Variants in SLCO1B3 observed in about 807,000 individuals in gnomAD.
SLCO1B3 encodes solute carrier organic anion transporter family member 1B3.
In SLCO1B3, 72 loss-of-function variants were observed where a neutral mutation model predicts 71.8. The ratio of observed to expected loss-of-function variants is 1.00; its 90% CI spans 0.83 to 1.22. SLCO1B3 has a LOEUF of 1.22. Among genes scored for constraint, SLCO1B3 ranks in the 50% most tolerant of loss-of-function variants. The pLI, the probability that SLCO1B3 is intolerant of heterozygous loss-of-function variation, is 0.00. For missense variants in SLCO1B3, 911 were observed against 819.7 expected (o/e 1.11, Z -1.36); for synonymous variants, 298 against 278.4 (o/e 1.07, Z -0.70).
rs1865104843 is a variant in SLCO1B3 at position 20,855,038 on chromosome 12, C to T, written c.95C>T (p.Ala32Val). The T allele has an allele frequency of 6.2e-7, 1 of 1,610,352 alleles. No individual in the cohort carries two copies. Among genetic ancestry groups the T allele is most frequent in the Non-Finnish European group, 8.5e-7 (1 of 1,179,402 alleles). ...TTCTATTGTTTTTAGATGTTCTTGG[C>T]AGCCCTGTCATTCAGCTATATTGCT... ...RRCNGFKMFLAALSFSYIAKA... is the reference protein window; with the variant it reads ...RRCNGFKMFLVALSFSYIAKA... Residue 32 changes from alanine to valine, a missense_variant, in exon 4 of 16, where the codon GCA (alanine) becomes GTA (valine). By Grantham distance (64) the Ala-to-Val change is moderately conservative (BLOSUM62 0). Coordinates refer to ENST00000381545, the MANE Select transcript of SLCO1B3 (RefSeq NM_019844.4).
At chr12:20,831,378 A>G (rs1231695966) in intron 3 of SLCO1B3, among the ~76,000 whole-genome samples, 2 of 139,904 alleles carry the variant, frequency 1.4e-5, no homozygotes, top group Admixed American at 7.3e-5. Context: ...AAAAAAAAAA[A>G]GCCAGGGGAA....
chr12:20,836,608 T>G (rs2121154286), intron 3 of SLCO1B3, among the ~76,000 whole-genome samples: 1 of 152,268 alleles, frequency 6.6e-6, no homozygotes, highest in South Asian at 2.1e-4. Context: ...AATTCACCAG[T>G]GAAACTATCT....
intron 3 of SLCO1B3, among the ~76,000 whole-genome samples, chr12:20,826,279 A>G (rs1348648413): frequency 6.6e-6 from 1 of 152,138 alleles, no homozygotes; most frequent in African/African-American, 2.4e-5. Flanking sequence ...AGGGAAAAAA[A>G]TTACAGAAGC....
At chr12:20,812,797 A>T (rs1864130687) in intron 1 of SLCO1B3, among the ~76,000 whole-genome samples, 1 of 152,236 alleles carries the variant, frequency 6.6e-6, no homozygotes, top group South Asian at 2.1e-4. Context: ...TCAAGCCTTC[A>T]AGAATATTTG....
chr12:20,896,301 A>C (rs1220680255), intron 13 of SLCO1B3, among the ~76,000 whole-genome samples: 2 of 152,182 alleles, frequency 1.3e-5, no homozygotes, highest in Admixed American at 1.3e-4. Context: ...GTCAGACTGC[A>C]AATGTTCCAA....
chr12:20,853,472 C>T (rs1431599910), intron 3 of SLCO1B3, among the ~76,000 whole-genome samples: 1 of 151,892 alleles, frequency 6.6e-6, no homozygotes, highest in East Asian at 1.9e-4. Flanking sequence ...TTGTATGTTT[C>T]TAGGAATGTA....
intron 3 of SLCO1B3, among the ~76,000 whole-genome samples, chr12:20,850,393 C>T (rs905641545): frequency 6.6e-6 from 1 of 151,870 alleles, no homozygotes. Flanking sequence ...CATTCTCCTG[C>T]CTCAGCCTCC....
At chr12:20,890,974 C>T (rs1267614366) in intron 13 of SLCO1B3, among the ~76,000 whole-genome samples, 2 of 151,886 alleles carry the variant, frequency 1.3e-5, no homozygotes, top group Non-Finnish European at 2.9e-5. Flanking sequence ...TTCATTCTGC[C>T]AGACTATATT....
intron 8 of SLCO1B3, among the ~76,000 whole-genome samples, chr12:20,864,227 C>T (rs1257491316): frequency 4.6e-5 from 7 of 152,120 alleles, no homozygotes; most frequent in South Asian, 2.1e-4. Flanking sequence ...GTCTCAAATT[C>T]GGTGCTCCTA....
At chr12:20,845,865 C>T in intron 3 of SLCO1B3, among the ~76,000 whole-genome samples, 1 of 151,940 alleles carries the variant, frequency 6.6e-6, no homozygotes, top group East Asian at 1.9e-4. Context: ...TTTCTTAGGT[C>T]TAGTAGTAAT....
At chr12:20,879,205 C>CT (rs4149166) in intron 10 of SLCO1B3, among the ~76,000 whole-genome samples, 22,615 of 93,960 alleles carry the variant, frequency 0.24, 3,733 homozygotes, top group Middle Eastern at 0.32. Flanking sequence ...ACCCTTCTCT[C>CT]TTTTTTTTTT....
At chr12:20,844,233 A>G (rs189908280) in intron 3 of SLCO1B3, among the ~76,000 whole-genome samples, 349 of 152,132 alleles carry the variant, frequency 2.3e-3, no homozygotes, top group African/African-American at 8.1e-3. Context: ...TTATATAAAG[A>G]TACCTTACAT....
At chr12:20,893,868 A>G (rs1335887516) in intron 13 of SLCO1B3, among the ~76,000 whole-genome samples, 1 of 152,186 alleles carries the variant, frequency 6.6e-6, no homozygotes, top group Admixed American at 6.5e-5. Flanking sequence ...TTTATGACAA[A>G]CAAAACATCA....
chr12:20,827,787 C>G (rs187410838), intron 3 of SLCO1B3, among the ~76,000 whole-genome samples: 41 of 152,220 alleles, frequency 2.7e-4, no homozygotes, highest in African/African-American at 8.9e-4. Flanking sequence ...CCAGGCTGCT[C>G]TCGAACTCCT....
chr12:20,910,041 T>G (rs1287709531), intron 15 of SLCO1B3, among the ~76,000 whole-genome samples: 1 of 152,206 alleles, frequency 6.6e-6, no homozygotes, highest in Non-Finnish European at 1.5e-5. Context: ...ATCTGAAAAG[T>G]CATAACCGAA....
chr12:20,886,764 C>T (rs551078221), intron 13 of SLCO1B3, among the ~76,000 whole-genome samples: 2 of 151,898 alleles, frequency 1.3e-5, no homozygotes, highest in Non-Finnish European at 2.9e-5. Flanking sequence ...AGTTGTGAAA[C>T]ATGGATTATA....
chr12:20,813,717 T>C (rs1162636552), intron 2 of SLCO1B3, 79 bp downstream of exon 2: 1 of 152,140 alleles, frequency 6.6e-6, no homozygotes, highest in Non-Finnish European at 1.5e-5. Flanking sequence ...TATACTAAGG[T>C]GTCTTTAAAC....
intron 4 of SLCO1B3, among the ~76,000 whole-genome samples, chr12:20,856,744 G>A (rs992188330): frequency 1.3e-5 from 2 of 152,046 alleles, no homozygotes; most frequent in Admixed American, 1.3e-4. Flanking sequence ...ATTTTTAAGT[G>A]GAGACAGGTT....
chr12:20,889,043 C>G (rs1409317642), intron 13 of SLCO1B3, among the ~76,000 whole-genome samples: 1 of 148,952 alleles, frequency 6.7e-6, no homozygotes, highest in South Asian at 2.1e-4. Flanking sequence ...AAAAAGTCCA[C>G]TTTTCATTGC....
Sources: gnomAD v4.1 joint callset for allele counts (sites outside exome capture counted in the v4.1 genomes callset) on GRCh38, gnomAD v4.1.1 for gene constraint, MANE v1.5 for transcripts, NCBI Gene and HGNC (gene_info 2026-07-23, HGNC 2026-07-21) for gene names.